The following FBN2 variants were observed in gnomAD, a reference collection of about 807,000 sequenced individuals.
The protein encoded by FBN2 is fibrillin 2, also known as fibrillin-2.
FBN2 carries 105 observed loss-of-function variants against 355.6 expected under a neutral mutation model. The ratio of observed to expected loss-of-function variants is 0.30; its 90% CI spans 0.25 to 0.35. The LOEUF (loss-of-function observed/expected upper bound fraction) is 0.35. Ranked by LOEUF, FBN2 falls within the 10% of genes least tolerant of loss-of-function variation. FBN2 has a pLI of 1.00. For missense variants in FBN2, 3,280 were observed against 3,758.7 expected, an observed-to-expected ratio of 0.87 and a Z score of 3.33; for synonymous variants, 1,350 against 1,301.2, an observed-to-expected ratio of 1.04 and a Z score of -0.81.
chr5:128,336,083 A>G lies in FBN2; in HGVS notation c.3629T>C (p.Leu1210Pro), dbSNP rs752579962. The G allele has an allele frequency of 5.6e-6, 9 of 1,613,440 alleles. No individual in the cohort carries two copies. The South Asian group carries it at 7.7e-5, about 14-fold the overall frequency. Residue 1210 changes from leucine to proline, a missense_variant, in exon 28 of 65, where the codon CTC becomes CCC. Transcript: ENST00000262464. ...DINECSLSDN[L>P]CRNGKCVNMI... ...GTTCACACATTTTCCATTTCTGCAG[A>G]GATTGTCACTCAGGGAGCATTCATT...
At chr5:128,528,546 C>A (rs78918737) in intron 3 of FBN2, among the ~76,000 whole-genome samples, 1 of 152,080 alleles carries the variant, frequency 6.6e-6, no homozygotes, top group Non-Finnish European at 1.5e-5. Context: ...AAAAGTACCA[C>A]GGAGAAACTT....
intron 7 of FBN2, 155 bp downstream of exon 7, chr5:128,446,326 C>T (rs944227252): frequency 2.7e-5 from 20 of 747,150 alleles, no homozygotes; most frequent in Middle Eastern, 3.9e-4. Context: ...GGCTACAATA[C>T]ACAAACACAG....
Position 128,392,129 on chromosome 5 carries a change from A to G in FBN2, c.1492T>C (p.Cys498Arg), listed in dbSNP as rs1581259476. The G allele has an allele frequency of 6.2e-7, 1 of 1,613,674 alleles. No homozygotes were observed. Among genetic ancestry groups the G allele is most frequent in the Non-Finnish European group, 8.5e-7 (1 of 1,179,668 alleles). ...AAACAAAGGTTAGCATGATGCTTACAGATATCTATTGTCTGGTTCAGAATT... is the reference window on the plus strand; with the variant it reads ...AAACAAAGGTTAGCATGATGCTTACGGATATCTATTGTCTGGTTCAGAATT... ...LTILNQTIDI[C>R]KHHANLCLNG... Residue 498 changes from cysteine to arginine, a missense_variant, in exon 11 of 65, where the codon TGT (cysteine) becomes CGT (arginine). By Grantham distance (180) the Cys-to-Arg change is radical. Transcript: ENST00000262464.
At chr5:128,525,442 G>A (rs931318800) in intron 4 of FBN2, among the ~76,000 whole-genome samples, 1 of 152,062 alleles carries the variant, frequency 6.6e-6, no homozygotes, top group African/African-American at 2.4e-5. Flanking sequence ...GAAAATGTGG[G>A]AAATACCTGA....
rs530393027 is a variant in FBN2, at chr5:128,520,020, GA to G, written c.533-653del. 3.6e-3 allele frequency among the ~76,000 whole-genome samples: 544 copies of G among 152,136 alleles called. 3 individuals are homozygous for G. The highest frequency in any genetic ancestry group is 0.012 in the African/African-American group (504 of 41,510). Reference sequence around the variant, plus strand: ...TTGCAGGTCATAGAAGAAAAAAAGGGAAAAAAAGCTGTGTAAGCATAATATG... The same window carrying G: ...TTGCAGGTCATAGAAGAAAAAAAGGGAAAAAAGCTGTGTAAGCATAATATG... On this transcript the variant is annotated intron_variant, in intron 4 of 64. Transcript: ENST00000262464.
intron 25 of FBN2, among the ~76,000 whole-genome samples, chr5:128,342,347 T>A (rs1210189539): frequency 1.3e-5 from 2 of 151,072 alleles, no homozygotes; most frequent in African/African-American, 4.9e-5. Context: ...CAAGCAGAGG[T>A]CCAGGAGAGA....
intron 7 of FBN2, among the ~76,000 whole-genome samples, chr5:128,415,441 T>C (rs1753171943): frequency 6.6e-6 from 1 of 152,170 alleles, no homozygotes. Context: ...CACATATGAG[T>C]GAGACCATGA....
chr5:128,296,221 C>T (rs1258323282), intron 48 of FBN2, among the ~76,000 whole-genome samples: 1 of 150,830 alleles, frequency 6.6e-6, no homozygotes, highest in Non-Finnish European at 1.5e-5. Flanking sequence ...TTTTGATGTG[C>T]TGCTGGATTT....
In FBN2 at chr5:128,537,623, C is replaced by T; in HGVS notation, c.-20G>A. The stretch of plus-strand genomic sequence containing the variant: ...CCCCATCGCCGGCGCCGAAAGCGCG[C>T]GGCCGTAGACCCGCGGAGAGGGAGT... On this transcript the variant is annotated 5_prime_UTR_variant, in exon 1 of 65. Transcript: ENST00000262464. The T allele has an allele frequency of 6.2e-7, 1 of 1,604,090 alleles. No individual in the cohort carries two copies. Among genetic ancestry groups the T allele is most frequent in the Non-Finnish European group, 8.5e-7 (1 of 1,176,924 alleles).
intron 5 of FBN2, among the ~76,000 whole-genome samples, chr5:128,506,150 T>G (rs912644961): frequency 2.6e-5 from 4 of 152,216 alleles, no homozygotes; most frequent in Non-Finnish European, 4.4e-5. Flanking sequence ...TAATGATGAA[T>G]GACATTGAAA....
chr5:128,332,878 C>T, intron 32 of FBN2, 34 bp downstream of exon 32: 3 of 1,611,296 alleles, frequency 1.9e-6, no homozygotes, highest in Non-Finnish European at 2.5e-6. Context: ...AAAATTTGTG[C>T]CTTAGCAAAG....
At chr5:128,359,767 A>C (rs912340471) in intron 19 of FBN2, among the ~76,000 whole-genome samples, 1 of 152,054 alleles carries the variant, frequency 6.6e-6, no homozygotes, top group African/African-American at 2.4e-5. Context: ...ATAATCACCA[A>C]ATGTTACACT....
intron 5 of FBN2, among the ~76,000 whole-genome samples, chr5:128,504,730 C>T (rs1371401036): frequency 1.3e-5 from 2 of 152,138 alleles, no homozygotes; most frequent in African/African-American, 2.4e-5. Flanking sequence ...CTTGCCTTGT[C>T]TCAGATTAGA....
intron 48 of FBN2, among the ~76,000 whole-genome samples, chr5:128,293,471 G>C (rs1184015339): frequency 4.6e-5 from 7 of 151,838 alleles, no homozygotes; most frequent in Non-Finnish European, 8.8e-5. Context: ...CAGCCTGAGT[G>C]ACAGAGCGAG....
intron 7 of FBN2, among the ~76,000 whole-genome samples, chr5:128,426,213 T>A (rs955575744): frequency 2.6e-5 from 4 of 152,194 alleles, no homozygotes; most frequent in Non-Finnish European, 5.9e-5. Context: ...CTAACTATGC[T>A]AATACAGCAC....
intron 41 of FBN2, among the ~76,000 whole-genome samples, chr5:128,308,510 A>G (rs1209087791): frequency 6.6e-6 from 1 of 152,162 alleles, no homozygotes; most frequent in Non-Finnish European, 1.5e-5. Flanking sequence ...CAAATGCATA[A>G]TCACTGTTTC....
chr5:128,393,076 T>C (rs909365083), intron 10 of FBN2, 59 bp downstream of exon 10: 1 of 1,275,818 alleles, frequency 7.8e-7, no homozygotes, highest in Non-Finnish European at 1.1e-6. Flanking sequence ...TTATGTTAGA[T>C]ATTATAATGT....
rs1325678396 is a variant in FBN2, at chr5:128,395,143, C to A, written c.1210G>T (p.Ala404Ser). 1.9e-6 allele frequency: 3 copies of A among 1,614,010 alleles called. No homozygotes were observed. Among genetic ancestry groups the A allele is most frequent in the Admixed American group, 1.7e-5 (1 of 60,008 alleles). ...RCWGIGTIPE[A>S]CPVRGSEEYR... is the part of the protein sequence containing the mutation. ...GTACCAGAACCTCTGACAGGACAGG[C>A]TTCAGGAATGGTTCCGATGCCCCAG... The change falls in exon 9 of 65, where the codon GCC (alanine) becomes TCC (serine). Residue 404 changes from alanine (A) to serine (S), a missense_variant. Transcript: ENST00000262464.
At chr5:128,273,223 T>A (rs1293409997) in intron 61 of FBN2, among the ~76,000 whole-genome samples, 1 of 152,210 alleles carries the variant, frequency 6.6e-6, no homozygotes, top group Non-Finnish European at 1.5e-5. Flanking sequence ...CCACTTGCAA[T>A]ATAAATAGTG....
Sources: allele counts gnomAD v4.1 joint callset (sites outside exome capture counted in the v4.1 genomes callset), GRCh38; gene constraint gnomAD v4.1.1; transcripts MANE v1.5; gene names NCBI Gene and HGNC (gene_info 2026-07-23, HGNC 2026-07-21).